The following TSEN15 variants were observed in gnomAD, a reference collection of about 807,000 sequenced individuals.
TSEN15 encodes the protein tRNA-splicing endonuclease subunit Sen15.
TSEN15 carries 10 observed loss-of-function variants against 20.5 expected under a neutral mutation model. That is an observed-to-expected ratio of 0.49 (90% confidence interval 0.30 to 0.83). The LOEUF is 0.83. TSEN15 is among the 40% of genes least tolerant of loss of function. The pLI, the probability that TSEN15 is intolerant of heterozygous loss-of-function variation, is 0.06. For missense variants in TSEN15, 180 were observed against 218.6 expected, an observed-to-expected ratio of 0.82 and a Z score of 1.11; for synonymous variants, 72 against 80.1, an observed-to-expected ratio of 0.90 and a Z score of 0.54.
rs71130650 is a variant in TSEN15 at position 184,067,924 on chromosome 1, CA to C, written c.354-4215del. ...GGTGACAGAGCGAGACTCTCTCTCT[CA>C]AAAAAAAAAAAAAAAAATATATATA... On this transcript the variant is annotated intron_variant, in intron 3 of 4. Transcript: ENST00000645668. 3.1e-3 allele frequency among the ~76,000 whole-genome samples: 168 copies of C among 54,842 alleles called. 1 individual carries two copies. Among genetic ancestry groups the C allele is most frequent in the African/African-American group, 7.3e-3 (78 of 10,736 alleles). The allele number at this position is 54,842 out of a possible 152,430, so 36.0% of individuals were successfully genotyped here. A position where few individuals can be genotyped will look rare whatever the true frequency, so the allele number is the denominator to read the frequency against.
At chr1:184,090,510 T>C (rs1367134963) in intron 3 of TSEN15, among the ~76,000 whole-genome samples, 3 of 152,236 alleles carry the variant, frequency 2.0e-5, no homozygotes, top group African/African-American at 4.8e-5. Flanking sequence ...AAAGGTCACG[T>C]ACAAAGATGT....
At chr1:184,068,124 CT>C (rs1650756124) in intron 3 of TSEN15, among the ~76,000 whole-genome samples, 1 of 151,328 alleles carries the variant, frequency 6.6e-6, no homozygotes, top group Admixed American at 6.6e-5. Context: ...TTTCACCCCT[CT>C]TTTTCCCTAG....
chr1:184,077,571 C>T (rs770605227), downstream of TSEN15, among the ~76,000 whole-genome samples: 3 of 152,092 alleles, frequency 2.0e-5, no homozygotes, highest in Non-Finnish European at 4.4e-5. Context: ...TAGATAGTTA[C>T]TCCTGTTATG....
At chr1:184,057,117 A>G (rs1207026867) in intron 3 of TSEN15, among the ~76,000 whole-genome samples, 1 of 152,168 alleles carries the variant, frequency 6.6e-6, no homozygotes, top group Admixed American at 6.5e-5. Flanking sequence ...TGTGGCTTCT[A>G]TCTTGGGCAC....
chr1:184,063,081 G>T (rs1004524990), intron 3 of TSEN15, among the ~76,000 whole-genome samples: 3 of 152,068 alleles, frequency 2.0e-5, no homozygotes, highest in Non-Finnish European at 4.4e-5. Context: ...TGTCAGAGAA[G>T]AATAGTGGAT....
At chr1:184,059,884 C>T (rs1187586976) in intron 3 of TSEN15, among the ~76,000 whole-genome samples, 1 of 152,194 alleles carries the variant, frequency 6.6e-6, no homozygotes, top group Non-Finnish European at 1.5e-5. Flanking sequence ...CCCTTCATCT[C>T]TACTGGTTAT....
chr1:184,091,723 C>CA (rs1365272867), intron 3 of TSEN15, among the ~76,000 whole-genome samples: 1 of 152,084 alleles, frequency 6.6e-6, no homozygotes, highest in African/African-American at 2.4e-5. Context: ...ATGGTGAAGC[C>CA]ACAAGATCTA....
At chr1:184,085,463 A>G (rs1194628922) in intron 3 of TSEN15, among the ~76,000 whole-genome samples, 1 of 152,234 alleles carries the variant, frequency 6.6e-6, no homozygotes, top group Non-Finnish European at 1.5e-5. Context: ...AAATAAACAA[A>G]TGAATACACA....
chr1:184,076,451 C>T (rs1651063155), downstream of TSEN15, among the ~76,000 whole-genome samples: 1 of 152,076 alleles, frequency 6.6e-6, no homozygotes, highest in African/African-American at 2.4e-5. Flanking sequence ...TACTTCTGGC[C>T]TCCCTATTCC....
intron 3 of TSEN15, among the ~76,000 whole-genome samples, chr1:184,088,310 G>T (rs937821161): frequency 6.6e-6 from 1 of 152,164 alleles, no homozygotes; most frequent in East Asian, 1.9e-4. Context: ...GGAGTGTCTG[G>T]ATAAAGCATC....
intron 3 of TSEN15, among the ~76,000 whole-genome samples, chr1:184,067,190 A>G (rs1650697739): frequency 6.6e-6 from 1 of 151,404 alleles, no homozygotes; most frequent in South Asian, 2.1e-4. Context: ...ATTTATCAGT[A>G]AACCCTGTCA....
rs577737458 is a variant in TSEN15, at chr1:184,073,036, T to A, written c.*189T>A. The A allele has an allele frequency of 8.6e-6, 5 of 580,576 alleles. No homozygotes were observed. The African/African-American group carries it at 9.7e-5, about 11-fold the overall frequency. The allele number at this position is 580,576 out of a possible 1,614,324, so 36.0% of individuals were successfully genotyped here. On this transcript the variant is annotated 3_prime_UTR_variant, in exon 5 of 5. Coordinates refer to ENST00000645668, the MANE Select transcript of TSEN15 (RefSeq NM_052965.4). The stretch of plus-strand genomic sequence containing the variant: ...AAGACTTTCTCCTTCTTAAAAAATA[T>A]AGGGTGATTTCTTTAAAACTTTGTT...
At chr1:184,060,581 G>A (rs1650416730) in intron 3 of TSEN15, among the ~76,000 whole-genome samples, 1 of 152,246 alleles carries the variant, frequency 6.6e-6, no homozygotes. Flanking sequence ...TGCAGAGAAT[G>A]TTACAGAATT....
chr1:184,066,829 A>G (rs572735244), intron 3 of TSEN15, among the ~76,000 whole-genome samples: 3 of 152,280 alleles, frequency 2.0e-5, no homozygotes, highest in Admixed American at 6.5e-5. Flanking sequence ...ATATCTACAA[A>G]ACAACGTGCT....
intron 1 of TSEN15, among the ~76,000 whole-genome samples, chr1:184,052,767 G>A (rs779337917): frequency 6.6e-6 from 1 of 152,086 alleles, no homozygotes; most frequent in Non-Finnish European, 1.5e-5. Flanking sequence ...AGAAACAATA[G>A]CATGGAAATA....
downstream of TSEN15, among the ~76,000 whole-genome samples, chr1:184,076,476 T>C (rs914976599): frequency 6.6e-6 from 1 of 152,112 alleles, no homozygotes; most frequent in African/African-American, 2.4e-5. Context: ...GAAACAGCAA[T>C]ATTGAAATTA....
intron 3 of TSEN15, among the ~76,000 whole-genome samples, chr1:184,092,188 A>G (rs1246782726): frequency 6.6e-6 from 1 of 152,238 alleles, no homozygotes; most frequent in Non-Finnish European, 1.5e-5. Context: ...ACTCGTTTGC[A>G]TGAGTGCAGA....
At chr1:184,090,519 G>A (rs950299137) in intron 3 of TSEN15, among the ~76,000 whole-genome samples, 1 of 152,156 alleles carries the variant, frequency 6.6e-6, no homozygotes, top group Non-Finnish European at 1.5e-5. Flanking sequence ...GTACAAAGAT[G>A]TATTATCTCC....
intron 3 of TSEN15, among the ~76,000 whole-genome samples, chr1:184,060,352 G>A (rs572765818): frequency 2.0e-5 from 3 of 152,326 alleles, no homozygotes; most frequent in Non-Finnish European, 2.9e-5. Flanking sequence ...GAACAATGAA[G>A]GCCAGATTTT....
Sources: gnomAD v4.1 joint callset for allele counts (sites outside exome capture counted in the v4.1 genomes callset) on GRCh38, gnomAD v4.1.1 for gene constraint, MANE v1.5 for transcripts, NCBI Gene and HGNC (gene_info 2026-07-23, HGNC 2026-07-21) for gene names.